The following SCHIP1 variants were observed in gnomAD, a reference collection of about 807,000 sequenced individuals.
SCHIP1 encodes schwannomin interacting protein 1, also known as schwannomin-interacting protein 1.
A neutral mutation model predicts 29.7 loss-of-function variants in SCHIP1; 8 were observed. The observed-to-expected ratio is 0.27, with a 90% CI of 0.16 to 0.49. The LOEUF (loss-of-function observed/expected upper bound fraction) is 0.49. Among genes scored for constraint, SCHIP1 ranks in the 20% least tolerant of loss-of-function variants. SCHIP1 has a pLI of 0.99. For missense variants in SCHIP1, 193 were observed against 294.6 expected (o/e 0.66, Z 2.52); for synonymous variants, 76 against 94.9 (o/e 0.80, Z 1.16).
chr3:159,418,394 C>T, the SCHIP1 span, among the ~76,000 whole-genome samples: 3 of 152,262 alleles, frequency 2.0e-5, no homozygotes, highest in East Asian at 1.9e-4. Context: ...TCAAAAGATG[C>T]GCATTTCAAA....
chr3:159,783,438 C>T, the SCHIP1 span, among the ~76,000 whole-genome samples: 1 of 152,350 alleles, frequency 6.6e-6, no homozygotes, highest in Admixed American at 6.5e-5. Context: ...ACCAAAATCA[C>T]TCCCTTACCT....
the SCHIP1 span, among the ~76,000 whole-genome samples, chr3:159,420,137 A>G: frequency 1.2e-3 from 190 of 152,346 alleles, 3 homozygotes; most frequent in South Asian, 0.031. Context: ...TAGATTTAAA[A>G]TGTAATTAAC....
At chr3:159,374,435 G>GGAAT in the SCHIP1 span, among the ~76,000 whole-genome samples, 3 of 152,070 alleles carry the variant, frequency 2.0e-5, no homozygotes, top group African/African-American at 7.2e-5. Flanking sequence ...GTGCCCTGTG[G>GGAAT]GAATCTGTGG....
the SCHIP1 span, chr3:159,274,671 C>A: frequency 1.2e-6 from 1 of 817,930 alleles, no homozygotes; most frequent in African/African-American, 1.9e-5. Flanking sequence ...CTTTGAATTA[C>A]TACCCAGAAT....
At chr3:159,832,851 T>C in the SCHIP1 span, among the ~76,000 whole-genome samples, 2 of 152,306 alleles carry the variant, frequency 1.3e-5, no homozygotes, top group South Asian at 4.1e-4. Context: ...CGGTCAACTG[T>C]GGTGTGAAAA....
chr3:159,535,234 A>G, the SCHIP1 span, among the ~76,000 whole-genome samples: 4 of 152,148 alleles, frequency 2.6e-5, no homozygotes, highest in Non-Finnish European at 5.9e-5. Context: ...TATGATATCC[A>G]ATGACTCTTG....
At chr3:159,493,525 A>G in the SCHIP1 span, among the ~76,000 whole-genome samples, 2 of 152,088 alleles carry the variant, frequency 1.3e-5, no homozygotes, top group East Asian at 3.8e-4. Context: ...ATAATGGTAA[A>G]GGGATCAATT....
chr3:159,478,835 G>T, the SCHIP1 span, among the ~76,000 whole-genome samples: 1 of 152,050 alleles, frequency 6.6e-6, no homozygotes, highest in Admixed American at 6.6e-5. Context: ...AAATGGGATG[G>T]TGTTCTTAAT....
the SCHIP1 span, among the ~76,000 whole-genome samples, chr3:159,310,721 G>T: frequency 6.6e-6 from 1 of 152,156 alleles, no homozygotes; most frequent in African/African-American, 2.4e-5. Context: ...ATGTGGTAGA[G>T]CACGTTTCAA....
chr3:159,424,721 G>C, the SCHIP1 span, among the ~76,000 whole-genome samples: 24 of 152,210 alleles, frequency 1.6e-4, no homozygotes, highest in South Asian at 4.1e-4. Flanking sequence ...AGAAGAGCAA[G>C]TCCAAGACAC....
the SCHIP1 span, among the ~76,000 whole-genome samples, chr3:159,606,900 C>T: frequency 2.0e-5 from 3 of 152,140 alleles, no homozygotes; most frequent in Non-Finnish European, 2.9e-5. Context: ...AGTGCTTAAC[C>T]TCCTGGGCCT....
At chr3:159,699,018 G>C in the SCHIP1 span, among the ~76,000 whole-genome samples, 2 of 152,050 alleles carry the variant, frequency 1.3e-5, no homozygotes, top group Non-Finnish European at 2.9e-5. Flanking sequence ...TTATTACTTC[G>C]TGTAGACTTC....
chr3:159,652,439 A>C, the SCHIP1 span, among the ~76,000 whole-genome samples: 1 of 152,304 alleles, frequency 6.6e-6, no homozygotes, highest in East Asian at 1.9e-4. Flanking sequence ...ATCTTTACCT[A>C]AGCCAATAGG....
At chr3:159,538,598 A>G in the SCHIP1 span, among the ~76,000 whole-genome samples, 2 of 152,154 alleles carry the variant, frequency 1.3e-5, no homozygotes, top group Non-Finnish European at 2.9e-5. Flanking sequence ...ACCTTGACAT[A>G]GTGAAAGCAC....
chr3:159,503,651 G>A, the SCHIP1 span, among the ~76,000 whole-genome samples: 1 of 152,080 alleles, frequency 6.6e-6, no homozygotes, highest in East Asian at 1.9e-4. Context: ...TAATGACATG[G>A]CTCTCAGGTA....
intron 2 of SCHIP1, among the ~76,000 whole-genome samples, chr3:159,869,210 T>G (rs1293842764): frequency 2.0e-5 from 3 of 151,998 alleles, no homozygotes; most frequent in Non-Finnish European, 4.4e-5. Context: ...TTTTTTAATA[T>G]GTGTTTTATG....
At chr3:159,433,623 T>C in the SCHIP1 span, among the ~76,000 whole-genome samples, 2 of 152,320 alleles carry the variant, frequency 1.3e-5, no homozygotes, top group Admixed American at 1.3e-4. Flanking sequence ...TGCCACTTAA[T>C]AGCTGTGTGA....
chr3:159,626,089 TATAGATAGATAGATAGATAGATAG>T, the SCHIP1 span, among the ~76,000 whole-genome samples: 6 of 98,106 alleles, frequency 6.1e-5, no homozygotes, highest in Non-Finnish European at 9.0e-5. Flanking sequence ...GTGCAGCTTA[TATAGATAGATAGATAGATAGATAG>T]ATAGATAGAT....
At chr3:159,307,126 T>C in the SCHIP1 span, among the ~76,000 whole-genome samples, 2 of 152,202 alleles carry the variant, frequency 1.3e-5, no homozygotes, top group South Asian at 4.1e-4. Flanking sequence ...CATTTCTTCA[T>C]GTGACTTGCA....
Sources: gnomAD v4.1 joint callset for allele counts (sites outside exome capture counted in the v4.1 genomes callset) on GRCh38, gnomAD v4.1.1 for gene constraint, MANE v1.5 for transcripts, NCBI Gene and HGNC (gene_info 2026-07-23, HGNC 2026-07-21) for gene names.